The following IMMP2L variants were observed in gnomAD, a reference collection of about 807,000 sequenced individuals.
The protein encoded by IMMP2L is mitochondrial inner membrane protease subunit 2.
In IMMP2L, 18 loss-of-function variants were observed where a neutral mutation model predicts 19.3. That is an observed-to-expected ratio of 0.93 (90% CI 0.64 to 1.38). The LOEUF is 1.38. Ranked by LOEUF, IMMP2L falls within the 40% of genes most tolerant of loss-of-function variation. The pLI, the probability that IMMP2L is intolerant of heterozygous loss-of-function variation, is 0.00. For missense variants in IMMP2L, 233 were observed against 218.2 expected, an observed-to-expected ratio of 1.07 and a Z score of -0.43; for synonymous variants, 76 against 73.0, an observed-to-expected ratio of 1.04 and a Z score of -0.21.
intron 3 of IMMP2L, chr7:111,122,695 A>G (rs934414885): frequency 5.4e-6 from 6 of 1,101,630 alleles, no homozygotes; most frequent in East Asian, 4.8e-5. Context: ...TTCCTTATCA[A>G]TCAGCTCCTA....
intron 3 of IMMP2L, among the ~76,000 whole-genome samples, chr7:111,168,474 A>G (rs1806076992): frequency 6.6e-6 from 1 of 151,906 alleles, no homozygotes; most frequent in Non-Finnish European, 1.5e-5. Context: ...TTAAACCAGC[A>G]CATCATTAAT....
At chr7:111,018,030 T>A (rs1308528122) in intron 3 of IMMP2L, among the ~76,000 whole-genome samples, 2 of 152,238 alleles carry the variant, frequency 1.3e-5, no homozygotes, top group Non-Finnish European at 2.9e-5. Flanking sequence ...GGCTCTAATA[T>A]ACATTATCAA....
chr7:111,552,066 A>G (rs1340544096), intron 1 of IMMP2L, among the ~76,000 whole-genome samples: 5 of 152,084 alleles, frequency 3.3e-5, no homozygotes, highest in African/African-American at 9.7e-5. Flanking sequence ...CTCCCATTCA[A>G]TGTACTACTT....
In IMMP2L at chr7:111,050,052, GCA is replaced by G. The variant is rs1040904731; in HGVS notation, c.240-86489_240-86488del. Among the ~76,000 whole-genome samples the G allele has an allele frequency of 3.9e-5, 6 of 152,274 alleles. 1 individual carries two copies. Among genetic ancestry groups the G allele is most frequent in the African/African-American group, 1.4e-4 (6 of 41,558 alleles). Reference sequence around the variant, plus strand: ...GGTCAAAGGTTTCAATTTTGAGGAGGCACAGTCTCAAATTTCAAAATTTATTC... The same window carrying G: ...GGTCAAAGGTTTCAATTTTGAGGAGGCAGTCTCAAATTTCAAAATTTATTC... On this transcript the variant is annotated intron_variant, in intron 3 of 5. Coordinates refer to ENST00000405709, the MANE Select transcript of IMMP2L (RefSeq NM_032549.4).
intron 3 of IMMP2L, among the ~76,000 whole-genome samples, chr7:111,033,165 G>A (rs1585863336): frequency 6.6e-6 from 1 of 152,208 alleles, no homozygotes; most frequent in Non-Finnish European, 1.5e-5. Context: ...ATAAAAATAA[G>A]AATGGGCAAA....
Position 111,124,072 on chromosome 7 carries a change from G to T in IMMP2L, c.240-160507C>A, listed in dbSNP as rs1324286321. 3 of 1,613,912 alleles carry T rather than the reference G, an allele frequency of 1.9e-6. No individual in the cohort carries two copies. The Admixed American group carries it at 5.0e-5, about 27-fold the overall frequency. On this transcript the variant is annotated intron_variant, in intron 3 of 5. Transcript: ENST00000405709. ...TGAGAGCTTTCCTTCTAATCTAAAT[G>T]TAGAAGCTGGGAGCTATGTTTCCTT...
intron 4 of IMMP2L, among the ~76,000 whole-genome samples, chr7:110,892,246 A>T (rs542626758): frequency 6.6e-6 from 1 of 152,260 alleles, no homozygotes; most frequent in East Asian, 1.9e-4. Context: ...ATCGCAGGAA[A>T]AAAGTCTGAA....
intron 5 of IMMP2L, among the ~76,000 whole-genome samples, chr7:110,814,848 T>G (rs1424267584): frequency 2.0e-5 from 3 of 151,874 alleles, no homozygotes; most frequent in Admixed American, 2.0e-4. Context: ...ATACTTAACT[T>G]GTTAATAGAA....
At chr7:111,476,575 A>G (rs1841743003) in intron 3 of IMMP2L, among the ~76,000 whole-genome samples, 1 of 152,182 alleles carries the variant, frequency 6.6e-6, no homozygotes, top group South Asian at 2.1e-4. Context: ...CAAGGCCAAA[A>G]TCAAGGTGTC....
At chr7:111,552,909 C>T (rs930055508) in intron 1 of IMMP2L, among the ~76,000 whole-genome samples, 1 of 152,118 alleles carries the variant, frequency 6.6e-6, no homozygotes, top group Non-Finnish European at 1.5e-5. Flanking sequence ...TGAGAATAGT[C>T]CCACGGCAAG....
chr7:111,392,158 T>G, intron 3 of IMMP2L: 1 of 603,952 alleles, frequency 1.7e-6, no homozygotes, highest in Non-Finnish European at 3.0e-6. Flanking sequence ...AGCCCCAAAG[T>G]CACATGGGCA....
intron 4 of IMMP2L, among the ~76,000 whole-genome samples, chr7:110,928,351 GCACACACACACACACACACACACACA>G (rs58639346): frequency 8.5e-6 from 1 of 117,106 alleles, no homozygotes; most frequent in Non-Finnish European, 1.8e-5. Context: ...ATATGTACCT[GCACACACACACACACACACACACACA>G]CACACACACA....
At chr7:111,290,504 T>TAA (rs111672588) in intron 3 of IMMP2L, among the ~76,000 whole-genome samples, 7 of 147,278 alleles carry the variant, frequency 4.8e-5, no homozygotes, top group Non-Finnish European at 7.5e-5. Flanking sequence ...GACTTCTTTT[T>TAA]AAAAAAAAAA....
chr7:110,745,270 G>A (rs34648544), intron 5 of IMMP2L, among the ~76,000 whole-genome samples: 46,068 of 151,886 alleles, frequency 0.3, 8,417 homozygotes, highest in East Asian at 0.67. Flanking sequence ...CCAAATCTAC[G>A]TTTGATTGGT....
intron 3 of IMMP2L, among the ~76,000 whole-genome samples, chr7:111,404,519 T>C (rs1833749007): frequency 6.6e-6 from 1 of 152,126 alleles, no homozygotes; most frequent in South Asian, 2.1e-4. Context: ...GGAACTCTTT[T>C]TCCATTTAGA....
intron 3 of IMMP2L, among the ~76,000 whole-genome samples, chr7:111,258,453 T>G (rs1419866453): frequency 6.6e-6 from 1 of 152,276 alleles, no homozygotes; most frequent in South Asian, 2.1e-4. Context: ...ATGGCTAATA[T>G]ATATTAATAC....
chr7:110,714,486 C>G (rs888196773), intron 5 of IMMP2L, among the ~76,000 whole-genome samples: 5 of 152,060 alleles, frequency 3.3e-5, no homozygotes, highest in African/African-American at 1.2e-4. Context: ...AGAATTCCTC[C>G]TCCTCAACTT....
At chr7:111,423,051 C>T (rs1835734947) in intron 3 of IMMP2L, among the ~76,000 whole-genome samples, 1 of 151,852 alleles carries the variant, frequency 6.6e-6, no homozygotes, top group Admixed American at 6.6e-5. Flanking sequence ...ACCAGCCTTG[C>T]ATCCCAGGGA....
chr7:110,947,864 T>G (rs922750225), intron 4 of IMMP2L, among the ~76,000 whole-genome samples: 1 of 152,178 alleles, frequency 6.6e-6, no homozygotes, highest in African/African-American at 2.4e-5. Context: ...TCAGGGAATA[T>G]AATTTATTTG....
Sources: allele counts gnomAD v4.1 joint callset (sites outside exome capture counted in the v4.1 genomes callset), GRCh38; gene constraint gnomAD v4.1.1; transcripts MANE v1.5; gene names NCBI Gene and HGNC (gene_info 2026-07-23, HGNC 2026-07-21).